PDCD6: variants seen among roughly 807,000 people sequenced by gnomAD.
The protein encoded by PDCD6 is programmed cell death 6.
PDCD6 carries 12 observed loss-of-function variants against 28.3 expected under a neutral mutation model. The ratio of observed to expected loss-of-function variants is 0.42; its 90% CI spans 0.27 to 0.69. The LOEUF is 0.69. PDCD6 is among the 30% of genes least tolerant of loss of function. The pLI is 0.22. For synonymous variants in PDCD6, 92 were observed against 108.0 expected (o/e 0.85, Z 0.92); for missense variants, 226 against 269.9 (o/e 0.84, Z 1.14).
chr5:272,825 C>T lies in PDCD6; in HGVS notation c.163+53C>T, dbSNP rs752071496. 15 of 1,554,348 alleles carry T rather than the reference C, an allele frequency of 9.7e-6. 2 individuals carry two copies. Among genetic ancestry groups the T allele is most frequent in the African/African-American group, 3.9e-5 (2 of 51,404 alleles). ...CCGGACCAAGAAGCCGCGAGCCTGCCCTGTTCACAGTGGATAACTTTCTGA... is the reference window on the plus strand; with the variant it reads ...CCGGACCAAGAAGCCGCGAGCCTGCTCTGTTCACAGTGGATAACTTTCTGA... On this transcript the variant is annotated intron_variant, in intron 2 of 5. Transcript: ENST00000264933.
intron 2 of PDCD6, among the ~76,000 whole-genome samples, chr5:291,934 G>C (rs903763611): frequency 2.0e-5 from 3 of 152,188 alleles, no homozygotes; most frequent in African/African-American, 7.2e-5. Flanking sequence ...TTCATCCCAG[G>C]TAAGAAATGT....
intron 2 of PDCD6, among the ~76,000 whole-genome samples, chr5:298,143 C>T (rs1222726083): frequency 2.0e-5 from 3 of 152,194 alleles, no homozygotes; most frequent in African/African-American, 7.2e-5. Flanking sequence ...CTCATGATTT[C>T]AGGGGTAATT....
chr5:279,798 A>C (rs1379221095), intron 2 of PDCD6, among the ~76,000 whole-genome samples: 1 of 148,782 alleles, frequency 6.7e-6, no homozygotes, highest in Non-Finnish European at 1.5e-5. Context: ...AAAAAAAAAA[A>C]AAAAAAAACG....
intron 2 of PDCD6, among the ~76,000 whole-genome samples, chr5:294,300 G>A (rs1739467853): frequency 6.9e-6 from 1 of 144,680 alleles, no homozygotes; most frequent in Non-Finnish European, 1.5e-5. Flanking sequence ...TGAATCACAC[G>A]TCTCACAACG....
chr5:277,993 C>G (rs1475118036), intron 2 of PDCD6, among the ~76,000 whole-genome samples: 1 of 151,794 alleles, frequency 6.6e-6, no homozygotes, highest in Non-Finnish European at 1.5e-5. Context: ...AAACTTTAAT[C>G]TCATACCCAG....
At chr5:273,768 A>G (rs1203970633) in intron 2 of PDCD6, among the ~76,000 whole-genome samples, 1 of 152,096 alleles carries the variant, frequency 6.6e-6, no homozygotes, top group East Asian at 1.9e-4. Context: ...TTTTTACCTT[A>G]TATTACGACA....
intron 3 of PDCD6, chr5:304,888 C>T (rs1392258593): frequency 6.6e-6 from 1 of 152,356 alleles, no homozygotes; most frequent in Non-Finnish European, 1.5e-5. Flanking sequence ...ACAGGGTGTC[C>T]CTGTGCTGCC....
rs544736619 is a variant in PDCD6 at position 291,483 on chromosome 5, C to T, written c.164-12694C>T. ...CTGACATGGTTCATTTTCATTGCTG[C>T]GTGATCTCCCATCTCCATTCTCTCC... On this transcript the variant is annotated intron_variant, in intron 2 of 5. Coordinates refer to ENST00000264933, the MANE Select transcript of PDCD6 (RefSeq NM_013232.4). Among the ~76,000 whole-genome samples the T allele has an allele frequency of 2.1e-3, 317 of 150,242 alleles. 2 individuals are homozygous for T. Among genetic ancestry groups the T allele is most frequent in the Non-Finnish European group, 2.5e-3 (172 of 67,734 alleles).
At chr5:299,697 A>C (rs369135767) in intron 2 of PDCD6, among the ~76,000 whole-genome samples, 200 of 152,036 alleles carry the variant, frequency 1.3e-3, no homozygotes, top group East Asian at 4.7e-3. Flanking sequence ...CTACAGGCAC[A>C]CGCCGCCATG....
intron 2 of PDCD6, among the ~76,000 whole-genome samples, chr5:296,017 C>T (rs533402434): frequency 1.1e-4 from 17 of 152,210 alleles, no homozygotes; most frequent in African/African-American, 3.6e-4. Flanking sequence ...AGGGGTTTGG[C>T]GTCTTACTGT....
chr5:313,020 C>T (rs1009753943), intron 5 of PDCD6, among the ~76,000 whole-genome samples: 1 of 152,228 alleles, frequency 6.6e-6, no homozygotes, highest in Non-Finnish European at 1.5e-5. Flanking sequence ...ACAGCGACCT[C>T]TCCAGCGCCT....
At chr5:310,082 C>A in intron 4 of PDCD6, 1 of 244,656 alleles carries the variant, frequency 4.1e-6, no homozygotes, top group Non-Finnish European at 8.1e-6. Context: ...TCCCTGTGGG[C>A]CTGTCCCAGG....
At chr5:306,363 C>T (rs1240950892) in intron 3 of PDCD6, 1 of 477,876 alleles carries the variant, frequency 2.1e-6, no homozygotes, top group Non-Finnish European at 3.9e-6. Flanking sequence ...AGTGCACCTT[C>T]TCCTGGGACT....
intron 2 of PDCD6, chr5:276,573 C>T (rs530264916): frequency 6.1e-6 from 6 of 981,778 alleles, no homozygotes; most frequent in African/African-American, 3.5e-5. Flanking sequence ...AATATGAATT[C>T]CTATACTAAT....
In PDCD6 at chr5:271,790, G is replaced by C. The variant is rs1327564224; in HGVS notation, c.70G>C (p.Asp24His). The stretch of plus-strand genomic sequence containing the variant: ...GCCTGCTGCAGGCGCGGCGCTGCCG[G>C]ACCAGAGCTTCCTGTGGAACGTTTT... ...PGPAAGAALP[D>H]QSFLWNVFQR... Residue 24 changes from aspartate to histidine, a missense_variant, in exon 1 of 6, where the codon GAC becomes CAC. Around this residue, in one of 3 missense-constraint regions of PDCD6, gnomAD observed 72 missense variants for 71.4 expected, o/e 1.01. Transcript: ENST00000264933. The C allele has an allele frequency of 2.7e-6, 4 of 1,473,170 alleles. No homozygotes were observed. The Admixed American group carries it at 7.5e-5, about 28-fold the overall frequency. The allele number at this position is 1,473,170 out of a possible 1,614,324, so 91.3% of individuals were successfully genotyped here.
intron 2 of PDCD6, 165 bp downstream of exon 2, chr5:272,937 T>C (rs1296509182): frequency 8.6e-6 from 11 of 1,284,754 alleles, no homozygotes; most frequent in South Asian, 1.3e-5. Flanking sequence ...ATTTTGTGGC[T>C]ACCGCTGTTA....
chr5:314,766 T>A lies in PDCD6; in HGVS notation c.*251T>A. 2 of 569,022 alleles carry A rather than the reference T, an allele frequency of 3.5e-6. No homozygotes were observed. The highest frequency in any genetic ancestry group is 3.2e-6 in the Non-Finnish European group (1 of 308,674). The allele number at this position is 569,022 out of a possible 1,614,324, so 35.2% of individuals were successfully genotyped here. On this transcript the variant is annotated 3_prime_UTR_variant, in exon 6 of 6. Coordinates refer to ENST00000264933, the MANE Select transcript of PDCD6 (RefSeq NM_013232.4). ...TGTGCCATGAGGTAAATGTAATGTT[T>A]CAGGCATTCTGCTTGCAAAAAAATC...
At chr5:299,908 T>A (rs1165679861) in intron 2 of PDCD6, among the ~76,000 whole-genome samples, 1 of 152,046 alleles carries the variant, frequency 6.6e-6, no homozygotes, top group East Asian at 1.9e-4. Flanking sequence ...AGATCACATA[T>A]TAAAGAGAAC....
At chr5:274,986 A>G (rs28581737) in intron 2 of PDCD6, among the ~76,000 whole-genome samples, 99,959 of 151,944 alleles carry the variant, frequency 0.66, 33,327 homozygotes, top group Non-Finnish European at 0.69. Context: ...CAAGCTGTGT[A>G]TCGGGACCCT....
Sources: allele counts gnomAD v4.1 joint callset (sites outside exome capture counted in the v4.1 genomes callset), GRCh38; gene constraint gnomAD v4.1.1; regional missense constraint gnomAD v4.1.1; transcripts MANE v1.5; gene names NCBI Gene and HGNC (gene_info 2026-07-23, HGNC 2026-07-21).